The following KALRN variants were observed in gnomAD, a reference collection of about 807,000 sequenced individuals.
The protein encoded by KALRN is kalirin RhoGEF kinase.
KALRN carries 70 observed loss-of-function variants against 353.7 expected under a neutral mutation model. The ratio of observed to expected loss-of-function variants is 0.20; its 90% confidence interval spans 0.16 to 0.24. The LOEUF is 0.24. KALRN is among the 10% of genes least tolerant of loss of function. The pLI, the probability that KALRN is intolerant of heterozygous loss-of-function variation, is 1.00. For missense variants in KALRN, 2,791 were observed against 3,756.7 expected, an observed-to-expected ratio of 0.74 and a Z score of 6.72; for synonymous variants, 1,391 against 1,434.8, an observed-to-expected ratio of 0.97 and a Z score of 0.69.
intron 1 of KALRN, among the ~76,000 whole-genome samples, chr3:124,208,173 A>G (rs2076584140): frequency 6.6e-6 from 1 of 152,192 alleles, no homozygotes; most frequent in South Asian, 2.1e-4. Context: ...CAGCGTTATT[A>G]TTACACATTG....
At position 124,149,126 on chromosome 3, in the gene KALRN, G is replaced by A. The variant is rs187809284; in HGVS notation, c.74-78864G>A. Among the ~76,000 whole-genome samples, 122 of 152,336 alleles carry A rather than the reference G, an allele frequency of 8.0e-4. 1 individual carries two copies. The East Asian group carries it at 0.022, about 27-fold the overall frequency. On this transcript the variant is annotated intron_variant, in intron 1 of 59. Coordinates refer to ENST00000682506, the MANE Select transcript of KALRN (RefSeq NM_001388419.1). ...CTGGGACTGAAAGCCAGGTCTGGCA[G>A]ACTCCAAAGCCAGTGCTCTTTATGC... is the stretch of plus-strand genomic sequence containing the variant.
intron 55 of KALRN, 123 bp from the exon 56 acceptor site, chr3:124,699,746 A>T (rs1041817501): frequency 1.1e-6 from 1 of 905,262 alleles, no homozygotes; most frequent in Non-Finnish European, 1.7e-6. Flanking sequence ...AGAGCCTGAC[A>T]CGGTAACCAC....
intron 34 of KALRN, among the ~76,000 whole-genome samples, chr3:124,593,968 C>T (rs1291650163): frequency 6.6e-6 from 1 of 152,178 alleles, no homozygotes; most frequent in African/African-American, 2.4e-5. Flanking sequence ...GTTGGCATTA[C>T]AGGTGTGAGC....
chr3:124,110,463 A>ACG (rs374765325), intron 1 of KALRN, among the ~76,000 whole-genome samples: 5,816 of 56,020 alleles, frequency 0.1, 560 homozygotes, highest in Middle Eastern at 0.21. Context: ...ATATATACAC[A>ACG]CGCGCGCACA....
At chr3:124,328,719 T>G (rs1319805294) in intron 7 of KALRN, among the ~76,000 whole-genome samples, 1 of 152,202 alleles carries the variant, frequency 6.6e-6, no homozygotes, top group Non-Finnish European at 1.5e-5. Flanking sequence ...ACAACAAAAC[T>G]AGAACGCAAA....
rs10934680 is a variant in KALRN at position 124,721,933 on chromosome 3, G to A, written c.*2463G>A. 35,750 of 152,138 alleles carry A rather than the reference G, an allele frequency of 0.23. 4,433 individuals are homozygous for A. The highest frequency in any genetic ancestry group is 0.38 in the Middle Eastern group (113 of 296). 9.4% of individuals were successfully genotyped at this position (152,138 alleles called of 1,614,324 possible). A position where few individuals can be genotyped will look rare whatever the true frequency, so the allele number is the denominator to read the frequency against. On this transcript the variant is annotated 3_prime_UTR_variant, in exon 60 of 60. Coordinates refer to ENST00000682506, the MANE Select transcript of KALRN (RefSeq NM_001388419.1). ...AGATTGCACCACTGCACTCTAGCCTGGGCAATAAGAGCAAAATTCTGTCTC... is the reference window on the plus strand; with the variant it reads ...AGATTGCACCACTGCACTCTAGCCTAGGCAATAAGAGCAAAATTCTGTCTC...
intron 9 of KALRN, among the ~76,000 whole-genome samples, chr3:124,340,775 C>T (rs1321860368): frequency 6.6e-6 from 1 of 152,020 alleles, no homozygotes; most frequent in Non-Finnish European, 1.5e-5. Context: ...GCCAACATGG[C>T]AAAACCCCGT....
intron 5 of KALRN, among the ~76,000 whole-genome samples, chr3:124,284,598 G>A (rs1469448674): frequency 2.0e-5 from 3 of 152,110 alleles, no homozygotes; most frequent in South Asian, 2.1e-4. Flanking sequence ...AACATTAACA[G>A]AATATGGAAT....
chr3:124,695,669 A>G (rs189350217), intron 53 of KALRN, among the ~76,000 whole-genome samples: 1 of 152,226 alleles, frequency 6.6e-6, no homozygotes, highest in Admixed American at 6.5e-5. Flanking sequence ...TTAGAAATTC[A>G]CTTAATTATT....
chr3:124,598,487 G>A lies in KALRN; in HGVS notation c.5183-33933G>A, dbSNP rs149500968. On this transcript the variant is annotated intron_variant, in intron 34 of 59. Coordinates refer to ENST00000682506, the MANE Select transcript of KALRN (RefSeq NM_001388419.1). ...AGAGTATTCTGGGGCCTTGCTGGAG[G>A]CCTCCTGACTCCTGGTCCCCTCAAT... 6.8e-3 allele frequency among the ~76,000 whole-genome samples: 1,030 copies of A among 152,298 alleles called. 17 individuals are homozygous for A. The highest frequency in any genetic ancestry group is 0.024 in the African/African-American group (983 of 41,562).
At chr3:124,166,181 T>A (rs2070822676) in intron 1 of KALRN, among the ~76,000 whole-genome samples, 1 of 152,222 alleles carries the variant, frequency 6.6e-6, no homozygotes, top group African/African-American at 2.4e-5. Flanking sequence ...TTCTATGTTC[T>A]TTGTGGGACT....
At chr3:124,382,899 C>T (rs1168264988) in intron 10 of KALRN, among the ~76,000 whole-genome samples, 1 of 151,906 alleles carries the variant, frequency 6.6e-6, no homozygotes, top group Non-Finnish European at 1.5e-5. Context: ...CCCTGCATGT[C>T]TCTCATGAGT....
chr3:124,466,668 A>G (rs1164054922), intron 25 of KALRN, among the ~76,000 whole-genome samples: 1 of 152,178 alleles, frequency 6.6e-6, no homozygotes, highest in African/African-American at 2.4e-5. Context: ...CCTCTCAACC[A>G]TCAAGTACAA....
At chr3:124,645,282 G>T (rs993025462) in intron 37 of KALRN, among the ~76,000 whole-genome samples, 14 of 152,160 alleles carry the variant, frequency 9.2e-5, no homozygotes, top group Non-Finnish European at 1.8e-4. Context: ...TAGCTTGCCT[G>T]TTCACTCTGA....
At chr3:124,543,347 G>T (rs1455813703) in intron 33 of KALRN, among the ~76,000 whole-genome samples, 5 of 151,386 alleles carry the variant, frequency 3.3e-5, no homozygotes, top group Non-Finnish European at 7.4e-5. Flanking sequence ...TGTCCCCCAG[G>T]CTGGAGTGCG....
intron 1 of KALRN, among the ~76,000 whole-genome samples, chr3:124,045,802 G>T (rs1369800372): frequency 6.6e-6 from 1 of 151,732 alleles, no homozygotes; most frequent in Non-Finnish European, 1.5e-5. Context: ...TGTAGTATAA[G>T]TTCAGTAAAG....
At chr3:124,423,024 G>A (rs1410486276) in intron 15 of KALRN, 46 bp downstream of exon 15, 1 of 1,597,486 alleles carries the variant, frequency 6.3e-7, no homozygotes, top group East Asian at 2.2e-5. Context: ...TCAGCCAGCT[G>A]AGCCTGACCT....
At chr3:124,587,906 C>T (rs1578173113) in intron 34 of KALRN, among the ~76,000 whole-genome samples, 1 of 151,830 alleles carries the variant, frequency 6.6e-6, no homozygotes, top group Admixed American at 6.6e-5. Flanking sequence ...TGTTGCCAGG[C>T]TGGTCTCAAA....
chr3:124,623,938 G>T (rs664057), intron 34 of KALRN, among the ~76,000 whole-genome samples: 1 of 152,082 alleles, frequency 6.6e-6, no homozygotes, highest in Admixed American at 6.5e-5. Context: ...GCACTTATGT[G>T]TGTTGCATGG....
Sources: allele counts gnomAD v4.1 joint callset (sites outside exome capture counted in the v4.1 genomes callset), GRCh38; gene constraint gnomAD v4.1.1; transcripts MANE v1.5; gene names NCBI Gene and HGNC (gene_info 2026-07-23, HGNC 2026-07-21).